The following POLK variants were observed in gnomAD, a reference collection of about 807,000 sequenced individuals.
POLK encodes the protein DNA polymerase kappa, also known as polymerase (DNA directed) kappa.
POLK carries 76 observed loss-of-function variants against 94.0 expected under a neutral mutation model. That is an observed-to-expected ratio of 0.81 (90% CI 0.67 to 0.98). POLK has a LOEUF of 0.98. Ranked by LOEUF, POLK falls within the 50% of genes least tolerant of loss-of-function variation. The pLI, the probability that POLK is intolerant of heterozygous loss-of-function variation, is 0.00. For synonymous variants in POLK, 349 were observed against 325.4 expected (o/e 1.07, Z -0.78); for missense variants, 954 against 1,010.1 (o/e 0.94, Z 0.75).
chr5:75,580,646 T>C, intron 6 of POLK: 2 of 321,586 alleles, frequency 6.2e-6, no homozygotes, highest in Non-Finnish European at 9.0e-6. Flanking sequence ...TGATACTTTA[T>C]AAACAAGCAA....
rs58783164 is a variant in POLK, at chr5:75,595,248, GAAAAAA to G, written c.1529-954_1529-949del. On this transcript the variant is annotated intron_variant, in intron 12 of 14. Coordinates refer to ENST00000241436, the Ensembl canonical transcript of POLK. Reference sequence around the variant, plus strand: ...GCAACAAGAGTGAAACTCCACCTCAGAAAAAAAAAAAAAAAAAAAAAAAAAGCCCAA... The same window carrying G: ...GCAACAAGAGTGAAACTCCACCTCAGAAAAAAAAAAAAAAAAAAAGCCCAA... 3.9e-3 allele frequency among the ~76,000 whole-genome samples: 98 copies of G among 24,878 alleles called. 1 individual carries two copies. The highest frequency in any genetic ancestry group is 0.12 in the Middle Eastern group (2 of 16). The allele number at this position is 24,878 out of a possible 152,430, so 16.3% of individuals were successfully genotyped here.
chr5:75,532,075 C>T (rs1476839075), intron 1 of POLK, among the ~76,000 whole-genome samples: 1 of 152,094 alleles, frequency 6.6e-6, no homozygotes, highest in East Asian at 1.9e-4. Flanking sequence ...CCATTATAAA[C>T]CATTTTTGAT....
At chr5:75,602,376 C>G (rs1773314308), downstream of POLK, among the ~76,000 whole-genome samples, 1 of 152,136 alleles carries the variant, frequency 6.6e-6, no homozygotes, top group Non-Finnish European at 1.5e-5. Flanking sequence ...AGGCCTCAGG[C>G]ATACTAGAAC....
chr5:75,519,410 A>T (rs942519577), intron 1 of POLK, among the ~76,000 whole-genome samples: 2 of 152,162 alleles, frequency 1.3e-5, no homozygotes, highest in African/African-American at 4.8e-5. Flanking sequence ...TATTTGGTCT[A>T]GTTTAACTCC....
intron 11 of POLK, among the ~76,000 whole-genome samples, chr5:75,591,140 A>G (rs1020765072): frequency 8.5e-5 from 13 of 152,332 alleles, no homozygotes; most frequent in African/African-American, 3.1e-4. Context: ...GTTACATACC[A>G]GAATAGCTAG....
chr5:75,590,691 T>G (rs1772738645), intron 11 of POLK, among the ~76,000 whole-genome samples: 1 of 152,188 alleles, frequency 6.6e-6, no homozygotes, highest in African/African-American at 2.4e-5. Flanking sequence ...CAGAGGACTT[T>G]ACTTCTGTAC....
chr5:75,566,156 T>A (rs1261777449), intron 3 of POLK, among the ~76,000 whole-genome samples: 1 of 152,202 alleles, frequency 6.6e-6, no homozygotes, highest in Non-Finnish European at 1.5e-5. Flanking sequence ...ACTGGGTTTG[T>A]TTACACTGTG....
chr5:75,597,634 T>C, intron 13 of POLK, 113 bp from the exon 14 acceptor site: 1 of 541,372 alleles, frequency 1.8e-6, no homozygotes. Flanking sequence ...ATATGAACTA[T>C]ATAGTACTAA....
At chr5:75,557,003 C>A (rs1288572128) in intron 3 of POLK, among the ~76,000 whole-genome samples, 1 of 152,038 alleles carries the variant, frequency 6.6e-6, no homozygotes, top group African/African-American at 2.4e-5. Flanking sequence ...GTGGAGGTGG[C>A]AGTGAGCTGT....
At chr5:75,521,016 C>CT (rs5744551) in intron 1 of POLK, among the ~76,000 whole-genome samples, 1 of 151,700 alleles carries the variant, frequency 6.6e-6, no homozygotes, top group Non-Finnish European at 1.5e-5. Context: ...ATGTTATTTG[C>CT]TTTTTTTTAA....
downstream of POLK, among the ~76,000 whole-genome samples, chr5:75,605,223 C>T (rs1400893622): frequency 1.3e-5 from 2 of 151,966 alleles, no homozygotes; most frequent in African/African-American, 4.8e-5. Context: ...CTTGAAAACA[C>T]TTCTTTCCAT....
intron 10 of POLK, among the ~76,000 whole-genome samples, chr5:75,587,779 G>A (rs777072531): frequency 1.4e-4 from 21 of 152,250 alleles, no homozygotes; most frequent in African/African-American, 4.8e-4. Context: ...AAATCAGCCC[G>A]GTGTGGTCGC....
chr5:75,559,530 T>G (rs1397556314), intron 3 of POLK, among the ~76,000 whole-genome samples: 83 of 131,492 alleles, frequency 6.3e-4, no homozygotes, highest in African/African-American at 2.0e-3. Context: ...TTTGTTTTTT[T>G]TTTTTTTTTT....
chr5:75,520,122 T>C (rs1768498883), intron 1 of POLK, among the ~76,000 whole-genome samples: 1 of 152,188 alleles, frequency 6.6e-6, no homozygotes, highest in African/African-American at 2.4e-5. Context: ...TGACAACTTA[T>C]CTTAGATAGC....
chr5:75,553,476 G>T (rs902994182), intron 3 of POLK, among the ~76,000 whole-genome samples: 1 of 152,052 alleles, frequency 6.6e-6, no homozygotes, highest in Admixed American at 6.6e-5. Flanking sequence ...GTGATTTTTT[G>T]ATACATATGC....
downstream of POLK, among the ~76,000 whole-genome samples, chr5:75,605,368 G>C (rs770893454): frequency 3.3e-5 from 5 of 152,052 alleles, no homozygotes; most frequent in Non-Finnish European, 7.4e-5. Context: ...ATCACTCATG[G>C]TCTTGGGTGT....
At chr5:75,549,120 T>C (rs943968276) in intron 2 of POLK, among the ~76,000 whole-genome samples, 2 of 152,134 alleles carry the variant, frequency 1.3e-5, no homozygotes, top group African/African-American at 4.8e-5. Context: ...GTATTCATGT[T>C]TTTCCTGCGT....
the POLK span, among the ~76,000 whole-genome samples, chr5:75,607,879 G>T: frequency 6.4e-3 from 972 of 152,330 alleles, 5 homozygotes; most frequent in Middle Eastern, 0.017. Flanking sequence ...TCTATTCAAT[G>T]TAGGGAGGGC....
At chr5:75,533,790 G>A (rs1396448849) in intron 1 of POLK, among the ~76,000 whole-genome samples, 1 of 152,112 alleles carries the variant, frequency 6.6e-6, no homozygotes, top group African/African-American at 2.4e-5. Context: ...AATTCTCATT[G>A]TAGAGCTATT....
Sources: gnomAD v4.1 joint callset for allele counts (sites outside exome capture counted in the v4.1 genomes callset) on GRCh38, gnomAD v4.1.1 for gene constraint, MANE v1.5 for transcripts, NCBI Gene and HGNC (gene_info 2026-07-23, HGNC 2026-07-21) for gene names.